CCNJL: variants seen among roughly 807,000 people sequenced by gnomAD.
CCNJL encodes cyclin-J-like protein.
Under a neutral mutation model 33.4 loss-of-function variants are expected in CCNJL, and 33 were observed. The observed-to-expected ratio is 0.99, with a 90% CI of 0.75 to 1.32. The LOEUF (loss-of-function observed/expected upper bound fraction) is 1.32. CCNJL is among the 40% of genes most tolerant of loss of function. CCNJL has a pLI of 0.00. For synonymous variants in CCNJL, 227 were observed against 220.9 expected, an observed-to-expected ratio of 1.03 and a Z score of -0.24; for missense variants, 512 against 499.7, an observed-to-expected ratio of 1.02 and a Z score of -0.23.
intron 3 of CCNJL, among the ~76,000 whole-genome samples, chr5:160,264,945 A>G (rs771164336): frequency 5.9e-5 from 9 of 152,156 alleles, no homozygotes; most frequent in East Asian, 3.9e-4. Context: ...AATATACGAA[A>G]AGAGAGAGAG....
chr5:160,320,873 CTT>C lies in CCNJL; in HGVS notation n.207-5370_207-5369del, dbSNP rs1313642958. Among the ~76,000 whole-genome samples, 8 of 123,888 alleles carry C rather than the reference CTT, an allele frequency of 6.5e-5. 1 individual carries two copies. The highest frequency in any genetic ancestry group is 8.5e-5 in the Non-Finnish European group (5 of 59,116). 81.3% of individuals were successfully genotyped at this position (123,888 alleles called of 152,430 possible). A position where few individuals can be genotyped will look rare whatever the true frequency, so the allele number is the denominator to read the frequency against. ...TCCTTCTTTCTTTCTTTCTTTCTCTCTTTCTTTCTTTTTCTTTCTTTCTTCCC... is the reference window on the plus strand; with the variant it reads ...TCCTTCTTTCTTTCTTTCTTTCTCTCTCTTTCTTTTTCTTTCTTTCTTCCC... On this transcript the variant is annotated intron_variant and non_coding_transcript_variant, in intron 1 of 7. Transcript: ENST00000377503.
intron 4 of CCNJL, chr5:160,258,441 G>A (rs878907851): frequency 9.9e-7 from 1 of 1,015,006 alleles, no homozygotes; most frequent in Non-Finnish European, 1.6e-6. Context: ...TGTTTCACAT[G>A]AAGAGGGCAC....
At chr5:160,258,828 C>T (rs1222493370) in intron 4 of CCNJL, among the ~76,000 whole-genome samples, 1 of 152,222 alleles carries the variant, frequency 6.6e-6, no homozygotes, top group Non-Finnish European at 1.5e-5. Flanking sequence ...TCCCAAATAG[C>T]TGGGACTACA....
chr5:160,286,911 C>T (rs2113375992), intron 2 of CCNJL, among the ~76,000 whole-genome samples: 1 of 152,256 alleles, frequency 6.6e-6, no homozygotes, highest in South Asian at 2.1e-4. Context: ...GTAGTCTTCT[C>T]TTTGTGGCCG....
At chr5:160,296,111 G>A (rs890777144) in intron 2 of CCNJL, among the ~76,000 whole-genome samples, 11 of 142,040 alleles carry the variant, frequency 7.7e-5, no homozygotes, top group African/African-American at 2.8e-4. Flanking sequence ...AAAACAGTGT[G>A]TTAAATGCAG....
At position 160,339,372 on chromosome 5, in the gene CCNJL, CA is replaced by C. The variant is rs796675901; in HGVS notation, n.206+72del. The C allele has an allele frequency of 2.7e-3, 789 of 297,240 alleles. 15 individuals are homozygous for C. Among genetic ancestry groups the C allele is most frequent in the East Asian group, 4.5e-3 (51 of 11,434 alleles). The allele number at this position is 297,240 out of a possible 1,614,324, so 18.4% of individuals were successfully genotyped here. A position where few individuals can be genotyped will look rare whatever the true frequency, so the allele number is the denominator to read the frequency against. On this transcript the variant is annotated intron_variant and non_coding_transcript_variant, in intron 1 of 7. Coordinates refer to the CCNJL transcript ENST00000377503. The stretch of plus-strand genomic sequence containing the variant: ...CAACATGCAAAACAAAAAAAAAAAA[CA>C]AAAAAAAACGCCAAAACCCCAAAAC...
intron 3 of CCNJL, among the ~76,000 whole-genome samples, chr5:160,276,662 CT>C (rs1232314601): frequency 6.6e-6 from 1 of 152,162 alleles, no homozygotes; most frequent in Non-Finnish European, 1.5e-5. Context: ...ACGAAGTTTC[CT>C]TTTAAGGTGA....
At position 160,253,632 on chromosome 5, in the gene CCNJL, C is replaced by G. The variant is rs746572826; in HGVS notation, c.910G>C (p.Asp304His). ...TLAQFQTPVQ[D>H]LCLAYRDSLQ... is the part of the protein sequence containing the mutation. ...GAGTCCCGATAGGCCAAGCATAGGT[C>G]CTGCACGGGGGTCTGGAACTGTGCC... Residue 304 changes from aspartate (D) to histidine (H), a missense_variant, in exon 6 of 6, where the codon GAC (aspartate) becomes CAC (histidine). Physicochemically the swap from Asp to His is moderately conservative, Grantham distance 81 (BLOSUM62 -1). Transcript: ENST00000257536. 6.2e-7 allele frequency: 1 copy of G among 1,612,672 alleles called. No homozygotes were observed. Among genetic ancestry groups the G allele is most frequent in the Non-Finnish European group, 8.5e-7 (1 of 1,179,324 alleles).
Position 160,337,000 on chromosome 5 carries a change from TTTC to T in CCNJL, n.206+2442_206+2444del, listed in dbSNP as rs1763690480. Among the ~76,000 whole-genome samples the T allele has an allele frequency of 4.3e-5, 5 of 115,782 alleles. No individual in the cohort carries two copies. The South Asian group carries it at 1.6e-3, about 36-fold the overall frequency. 76.0% of individuals were successfully genotyped at this position (115,782 alleles called of 152,430 possible). On this transcript the variant is annotated intron_variant and non_coding_transcript_variant, in intron 1 of 7. Coordinates refer to the CCNJL transcript ENST00000377503. ...TCCCTTCCTTCCTTCTTTCTTTTTC[TTTC>T]TTTTTTTTTTTTTTTTTTTTGACAG...
intron 1 of CCNJL, among the ~76,000 whole-genome samples, chr5:160,336,425 C>T (rs1014912547): frequency 6.6e-6 from 1 of 152,304 alleles, no homozygotes; most frequent in Middle Eastern, 3.4e-3. Flanking sequence ...TGCAGCAATG[C>T]AGCTGCAAGT....
rs1473671854 is a variant in CCNJL at position 160,284,723 on chromosome 5, G to C, written c.67-3985C>G. On this transcript the variant is annotated intron_variant, in intron 2 of 5. Transcript: ENST00000257536. ...TTCGCAGTCCTAGAGCTTTGCTCAT[G>C]GAAGGCTCTCAAAGCCTGAATAAAT... Among the ~76,000 whole-genome samples, 5 of 152,210 alleles carry C rather than the reference G, an allele frequency of 3.3e-5. No individual in the cohort carries two copies. In the East Asian group the frequency reaches 7.7e-4, roughly 23 times the overall value.
intron 3 of CCNJL, among the ~76,000 whole-genome samples, chr5:160,265,428 A>G (rs2113274009): frequency 6.6e-6 from 1 of 152,258 alleles, no homozygotes; most frequent in African/African-American, 2.4e-5. Flanking sequence ...ACGAGGTCAG[A>G]AGTTCAAGAC....
At chr5:160,274,589 C>A (rs1011835444) in intron 3 of CCNJL, among the ~76,000 whole-genome samples, 3 of 152,226 alleles carry the variant, frequency 2.0e-5, no homozygotes, top group Non-Finnish European at 4.4e-5. Context: ...GGCTTTCCCA[C>A]CCCCCTGAAA....
intron 2 of CCNJL, among the ~76,000 whole-genome samples, chr5:160,304,756 C>T (rs567607232): frequency 3.3e-5 from 5 of 151,612 alleles, no homozygotes; most frequent in Admixed American, 2.0e-4. Flanking sequence ...AAAAACCAAG[C>T]GGAGGATGAC....
rs1554115472 is a variant in CCNJL at position 160,249,805 on chromosome 5, T to TAAATAAAA, written c.*3572_*3573insTTTTATTT. The TAAATAAAA allele has an allele frequency of 4.2e-5, 6 of 143,558 alleles. No homozygotes were observed. The highest frequency in any genetic ancestry group is 7.6e-5 in the Non-Finnish European group (5 of 66,178). 8.9% of individuals were successfully genotyped at this position (143,558 alleles called of 1,614,324 possible). ...ATAAATAAATAAATAAATAAATAAA[T>TAAATAAAA]AAAATAAAAATTTAAAAAATCAAAC... On this transcript the variant is annotated 3_prime_UTR_variant, in exon 6 of 6. Transcript: ENST00000257536.
chr5:160,256,070 TGA>T (rs559421322), intron 4 of CCNJL, among the ~76,000 whole-genome samples: 11 of 152,200 alleles, frequency 7.2e-5, no homozygotes, highest in African/African-American at 2.6e-4. Flanking sequence ...CGTATTTTTT[TGA>T]GAGATAGGGT....
At position 160,261,130 on chromosome 5, in the gene CCNJL, C is replaced by T. The variant is rs550506105; in HGVS notation, c.281-1359G>A. ...GACCCAGTTCCCATCTCTCATGCTGCTTAGGGGAGATAAGGAAGTAACCAC... is the reference window on the plus strand; with the variant it reads ...GACCCAGTTCCCATCTCTCATGCTGTTTAGGGGAGATAAGGAAGTAACCAC... On this transcript the variant is annotated intron_variant, in intron 3 of 5. Transcript: ENST00000257536. 3 of 152,434 alleles carry T rather than the reference C, an allele frequency of 2.0e-5. No individual in the cohort carries two copies. The South Asian group carries it at 6.2e-4, about 32-fold the overall frequency. 9.4% of individuals were successfully genotyped at this position (152,434 alleles called of 1,614,324 possible). A position where few individuals can be genotyped will look rare whatever the true frequency, so the allele number is the denominator to read the frequency against.
Position 160,307,621 on chromosome 5 carries a change from C to T in CCNJL, c.66+4237G>A, listed in dbSNP as rs78993262. Among the ~76,000 whole-genome samples the T allele has an allele frequency of 7.5e-3, 1,145 of 152,258 alleles. 8 individuals carry two copies. Among genetic ancestry groups the T allele is most frequent in the African/African-American group, 0.026 (1,083 of 41,540 alleles). ...TCACTAGCAGCCTCCTCACTGGTGA[C>T]GCCAGCCTGGTGACAATCTACTCCT... On this transcript the variant is annotated intron_variant, in intron 2 of 5. Coordinates refer to ENST00000257536, the MANE Select transcript of CCNJL (RefSeq NM_001308173.3).
intron 2 of CCNJL, among the ~76,000 whole-genome samples, chr5:160,282,640 C>T (rs1337148787): frequency 2.6e-5 from 4 of 151,940 alleles, no homozygotes; most frequent in Middle Eastern, 6.3e-3. Context: ...TAAAAATAGG[C>T]AATGAACTGA....
Sources: allele counts gnomAD v4.1 joint callset (sites outside exome capture counted in the v4.1 genomes callset), GRCh38; gene constraint gnomAD v4.1.1; transcripts MANE v1.5; gene names NCBI Gene and HGNC (gene_info 2026-07-23, HGNC 2026-07-21).